DPYD: variants seen among roughly 807,000 people sequenced by gnomAD.
DPYD encodes dihydropyrimidine dehydrogenase [NADP(+)].
A neutral mutation model predicts 116.2 loss-of-function variants in DPYD; 109 were observed. That is an observed-to-expected ratio of 0.94 (90% CI 0.80 to 1.10). DPYD has a LOEUF of 1.10. DPYD is among the 50% of genes least tolerant of loss of function. The pLI is 0.00. For missense variants in DPYD, 1,302 were observed against 1,254.5 expected, an observed-to-expected ratio of 1.04 and a Z score of -0.57; for synonymous variants, 440 against 432.0, an observed-to-expected ratio of 1.02 and a Z score of -0.23.
intron 19 of DPYD, among the ~76,000 whole-genome samples, chr1:97,218,141 G>T (rs1660539007): frequency 6.6e-6 from 1 of 152,072 alleles, no homozygotes; most frequent in Non-Finnish European, 1.5e-5. Context: ...ATACTGTAAA[G>T]AATCTTCAAG....
Position 97,406,069 on chromosome 1 carries a change from T to C in DPYD, c.1906-23608A>G, listed in dbSNP as rs142298731. Among the ~76,000 whole-genome samples, 210 of 152,114 alleles carry C rather than the reference T, an allele frequency of 1.4e-3. 1 individual carries two copies. Among genetic ancestry groups the C allele is most frequent in the Non-Finnish European group, 2.4e-3 (162 of 67,990 alleles). ...TAACTCTCAGACTTGTCTGCACTGA[T>C]CCTCCAGAAATTCATCAATTATAGT... On this transcript the variant is annotated intron_variant, in intron 14 of 22. Coordinates refer to ENST00000370192, the MANE Select transcript of DPYD (RefSeq NM_000110.4).
chr1:97,817,032 G>A (rs547440050), intron 3 of DPYD, among the ~76,000 whole-genome samples: 12 of 152,176 alleles, frequency 7.9e-5, no homozygotes, highest in Non-Finnish European at 1.3e-4. Flanking sequence ...CCAGGGGTCT[G>A]CAAACTACAA....
At chr1:97,846,797 CAT>C (rs1201216057) in intron 2 of DPYD, among the ~76,000 whole-genome samples, 1 of 152,196 alleles carries the variant, frequency 6.6e-6, no homozygotes, top group Non-Finnish European at 1.5e-5. Context: ...ACAATCACAT[CAT>C]ACTTTCTATT....
intron 20 of DPYD, among the ~76,000 whole-genome samples, chr1:97,129,343 G>A (rs754066746): frequency 6.6e-5 from 10 of 152,264 alleles, no homozygotes; most frequent in Non-Finnish European, 1.3e-4. Flanking sequence ...TGGGATTACA[G>A]GTGTGAGCCA....
chr1:97,161,429 C>T (rs184361542), intron 20 of DPYD, among the ~76,000 whole-genome samples: 71 of 152,100 alleles, frequency 4.7e-4, no homozygotes, highest in African/African-American at 1.2e-3. Flanking sequence ...GAGTTCTCAC[C>T]GTCTAAAAGC....
chr1:97,432,481 T>A (rs1279854941), intron 14 of DPYD, among the ~76,000 whole-genome samples: 2 of 152,174 alleles, frequency 1.3e-5, no homozygotes, highest in Non-Finnish European at 2.9e-5. Context: ...ATTCCACATC[T>A]TTTCATGACT....
chr1:97,696,472 C>G (rs984398178), intron 6 of DPYD, among the ~76,000 whole-genome samples: 3 of 152,068 alleles, frequency 2.0e-5, no homozygotes, highest in Non-Finnish European at 4.4e-5. Context: ...TGAGATTATT[C>G]TGAAGACTGC....
chr1:97,138,734 G>C (rs1036081625), intron 20 of DPYD, among the ~76,000 whole-genome samples: 1 of 152,170 alleles, frequency 6.6e-6, no homozygotes, highest in African/African-American at 2.4e-5. Flanking sequence ...ATTCATGTTA[G>C]TCTAGAAGCT....
At chr1:97,396,214 T>C (rs1672997373) in intron 14 of DPYD, among the ~76,000 whole-genome samples, 1 of 150,748 alleles carries the variant, frequency 6.6e-6, no homozygotes, top group African/African-American at 2.4e-5. Context: ...TAGAAGTTAT[T>C]AGCCCCACTT....
chr1:97,316,545 AT>A (rs1553253262), intron 16 of DPYD, among the ~76,000 whole-genome samples: 1 of 150,954 alleles, frequency 6.6e-6, no homozygotes, highest in Non-Finnish European at 1.5e-5. Context: ...ATAAAATAAA[AT>A]AAAATAAAAT....
chr1:97,346,353 GT>G (rs776717735), intron 16 of DPYD, among the ~76,000 whole-genome samples: 91 of 151,448 alleles, frequency 6.0e-4, no homozygotes, highest in Admixed American at 6.6e-4. Flanking sequence ...CCTTTTTTTA[GT>G]TTTTATATTG....
chr1:97,842,450 TCTCA>T (rs886342978), intron 2 of DPYD, among the ~76,000 whole-genome samples: 14 of 151,986 alleles, frequency 9.2e-5, no homozygotes, highest in Admixed American at 1.3e-4. Context: ...TGATTTTCTC[TCTCA>T]CTAATATATA....
chr1:97,452,578 C>T (rs541479054), intron 13 of DPYD, among the ~76,000 whole-genome samples: 2 of 152,162 alleles, frequency 1.3e-5, no homozygotes, highest in East Asian at 3.9e-4. Context: ...AAATGTAATC[C>T]TCTGTGTTGG....
chr1:97,340,913 A>T (rs893447175), intron 16 of DPYD, among the ~76,000 whole-genome samples: 1 of 152,206 alleles, frequency 6.6e-6, no homozygotes, highest in African/African-American at 2.4e-5. Context: ...ATACCTTGGC[A>T]ATTTCCCCCA....
At chr1:97,777,947 C>T (rs1428331033) in intron 3 of DPYD, among the ~76,000 whole-genome samples, 1 of 151,780 alleles carries the variant, frequency 6.6e-6, no homozygotes, top group Non-Finnish European at 1.5e-5. Context: ...CACCTGAGGT[C>T]AGGAGTTTGA....
chr1:97,675,159 TA>T (rs1463084735), intron 8 of DPYD, among the ~76,000 whole-genome samples: 1 of 152,150 alleles, frequency 6.6e-6, no homozygotes, highest in Admixed American at 6.6e-5. Context: ...TTTTATAAAA[TA>T]AAAAGGAAGA....
At position 97,269,762 on chromosome 1, in the gene DPYD, C is replaced by A. The variant is rs142574963; in HGVS notation, c.2300-34768G>T. On this transcript the variant is annotated intron_variant, in intron 18 of 22. Coordinates refer to ENST00000370192, the MANE Select transcript of DPYD (RefSeq NM_000110.4). ...CAGCCCTATTGCATTAGGGACCCAC[C>A]CTTATGACTTCATTTAACTTTCAGC... is the stretch of plus-strand genomic sequence containing the variant. Among the ~76,000 whole-genome samples the A allele has an allele frequency of 3.9e-4, 59 of 152,150 alleles. No individual in the cohort carries two copies. The East Asian group carries it at 0.011, about 28-fold the overall frequency.
At chr1:97,545,723 C>A (rs894302463) in intron 12 of DPYD, 15 of 1,259,106 alleles carry the variant, frequency 1.2e-5, no homozygotes, top group Middle Eastern at 1.9e-4. Context: ...GTAATGGCCC[C>A]GAACCGTGAA....
intron 20 of DPYD, among the ~76,000 whole-genome samples, chr1:97,112,920 G>T (rs952229902): frequency 3.3e-5 from 5 of 152,110 alleles, no homozygotes; most frequent in African/African-American, 1.2e-4. Flanking sequence ...ATTTGTAGTT[G>T]ACTGTTTTTC....
Sources: gnomAD v4.1 joint callset for allele counts (sites outside exome capture counted in the v4.1 genomes callset) on GRCh38, gnomAD v4.1.1 for gene constraint, MANE v1.5 for transcripts, NCBI Gene and HGNC (gene_info 2026-07-23, HGNC 2026-07-21) for gene names.